PCSK9: variants seen among roughly 807,000 people sequenced by gnomAD.
PCSK9 encodes the protein convertase subtilisin/kexin type 9 preproprotein.
PCSK9 carries 57 observed loss-of-function variants against 62.1 expected under a neutral mutation model. The ratio of observed to expected loss-of-function variants is 0.92; its 90% CI spans 0.74 to 1.14. The LOEUF is 1.14. PCSK9 is among the 50% of genes most tolerant of loss of function. The pLI, the probability that PCSK9 is intolerant of heterozygous loss-of-function variation, is 0.00. For synonymous variants in PCSK9, 387 were observed against 409.4 expected, an observed-to-expected ratio of 0.95 and a Z score of 0.66; for missense variants, 870 against 959.8, an observed-to-expected ratio of 0.91 and a Z score of 1.24.
rs148820549 is a variant in PCSK9, at chr1:55,056,868, T to TGC, written c.997-451_997-450dup. On this transcript the variant is annotated intron_variant, in intron 6 of 11. Coordinates refer to ENST00000302118, the MANE Select transcript of PCSK9 (RefSeq NM_174936.4). ...GGAACTTCAAGTCTGTGTGTGTGCG[T>TGC]GCGCGCGCGCGCGTTGGGGGTGGGG... Among the ~76,000 whole-genome samples the TGC allele has an allele frequency of 3.9e-3, 590 of 152,200 alleles. 2 individuals carry two copies. The highest frequency in any genetic ancestry group is 0.014 in the African/African-American group (566 of 41,546).
chr1:55,051,158 C>A (rs1199925032), intron 3 of PCSK9: 1 of 456,198 alleles, frequency 2.2e-6, no homozygotes, highest in South Asian at 1.5e-5. Context: ...CACACTTGCT[C>A]ACCTGTCCTG....
intron 3 of PCSK9, among the ~76,000 whole-genome samples, chr1:55,047,908 C>A (rs1644645805): frequency 6.6e-6 from 1 of 152,146 alleles, no homozygotes; most frequent in Non-Finnish European, 1.5e-5. Context: ...CTGTACTCCA[C>A]ATCAGTGCCT....
Position 55,058,503 on chromosome 1 carries a change from G to C in PCSK9, c.1359G>C (p.Trp453Cys). The C allele has an allele frequency of 8.1e-6, 13 of 1,612,162 alleles. No homozygotes were observed. The highest frequency in any genetic ancestry group is 1.0e-5 in the Non-Finnish European group (12 of 1,180,008). Reference protein sequence around the residue: ...ALPPSTHGAGWQLFCRTVWSA... With the variant: ...ALPPSTHGAGCQLFCRTVWSA... ...CATCCCAGGCCCTTTTTGCAGGTTG[G>C]CAGCTGTTTTGCAGGACTGTATGGT... Residue 453 changes from tryptophan to cysteine, a missense_variant, in exon 9 of 12, where the codon TGG becomes TGC. Coordinates refer to ENST00000302118, the MANE Select transcript of PCSK9 (RefSeq NM_174936.4).
At chr1:55,054,199 C>T (rs568945353) in intron 5 of PCSK9, among the ~76,000 whole-genome samples, 3 of 152,260 alleles carry the variant, frequency 2.0e-5, no homozygotes, top group African/African-American at 7.2e-5. Context: ...GCCTGTTCAA[C>T]ATGGTGAAAC....
Position 55,058,201 on chromosome 1 carries a change from A to G in PCSK9, c.1346A>G (p.His449Arg). The G allele has an allele frequency of 2.5e-6, 4 of 1,612,336 alleles. No individual in the cohort carries two copies. Among genetic ancestry groups the G allele is most frequent in the Non-Finnish European group, 3.4e-6 (4 of 1,179,446 alleles). Residue 449 changes from histidine (H) to arginine (R), a missense_variant, in exon 8 of 12, where the codon CAT becomes CGT. Transcript: ENST00000302118. ...GTGGCCGCCCTGCCCCCCAGCACCCATGGGGCAGGTAAGCAGGATGGCAGG... is the reference window on the plus strand; with the variant it reads ...GTGGCCGCCCTGCCCCCCAGCACCCGTGGGGCAGGTAAGCAGGATGGCAGG... ...NLVAALPPST[H>R]GAGWQLFCRT...
At chr1:55,046,721 T>C in intron 3 of PCSK9, 75 bp downstream of exon 3, 6 of 1,572,396 alleles carry the variant, frequency 3.8e-6, no homozygotes, top group Non-Finnish European at 5.2e-6. Flanking sequence ...CTGGCCTCCC[T>C]GCTGGTGGTT....
rs72658888 is a variant in PCSK9 at position 55,039,551 on chromosome 1, G to A, written c.-287G>A. On this transcript the variant is annotated 5_prime_UTR_variant, in exon 1 of 12. Transcript: ENST00000302118. ...CCACACCCTAGAAGGTTTCCGCAGC[G>A]ACGTCGAGGCGCTCATGGTTGCAGG... 9.8e-3 allele frequency: 5,348 copies of A among 546,320 alleles called. 65 individuals are homozygous for A. The highest frequency in any genetic ancestry group is 0.022 in the Admixed American group (693 of 31,572). 33.8% of individuals were successfully genotyped at this position (546,320 alleles called of 1,614,324 possible).
chr1:55,060,848 TCA>T (rs1035204820), intron 10 of PCSK9, among the ~76,000 whole-genome samples: 2 of 152,326 alleles, frequency 1.3e-5, no homozygotes, highest in African/African-American at 4.8e-5. Flanking sequence ...CGTGTCATCT[TCA>T]CAGTGTCCCT....
In PCSK9 at chr1:55,058,567, G is replaced by A. The variant is rs773699134; in HGVS notation, c.1423G>A (p.Ala475Thr). Residue 475 changes from alanine (A) to threonine (T), a missense_variant, in exon 9 of 12, where the codon GCC becomes ACC. Physicochemically the swap from Ala to Thr is moderately conservative, Grantham distance 58 (BLOSUM62 0). Transcript: ENST00000302118. ...GCCTACACGGATGGCCACAGCCGTC[G>A]CCCGCTGCGCCCCAGATGAGGAGCT... ...SGPTRMATAV[A>T]RCAPDEELLS... 1.3e-5 allele frequency: 21 copies of A among 1,611,924 alleles called. No homozygotes were observed. Among genetic ancestry groups the A allele is most frequent in the East Asian group, 1.1e-4 (5 of 44,872 alleles).
rs72646516 is a variant in PCSK9, at chr1:55,058,218, G to T, written c.1354+9G>T. On this transcript the variant is annotated intron_variant, in intron 8 of 11. Coordinates refer to ENST00000302118, the MANE Select transcript of PCSK9 (RefSeq NM_174936.4). ...CAGCACCCATGGGGCAGGTAAGCAG[G>T]ATGGCAGGGTGGGCAAGTCCAGGCT... The T allele has an allele frequency of 6.5e-4, 1,045 of 1,610,242 alleles. 3 individuals carry two copies. In the African/African-American group the frequency reaches 0.011, roughly 17 times the overall value.
At chr1:55,052,174 C>A in intron 3 of PCSK9, 104 bp from the exon 4 acceptor site, 1 of 1,485,860 alleles carries the variant, frequency 6.7e-7, no homozygotes, top group Non-Finnish European at 9.3e-7. Flanking sequence ...ATATTTAAGG[C>A]GCTTTCACCA....
chr1:55,059,462 C>A, intron 9 of PCSK9, 24 bp from the exon 10 acceptor site: 1 of 1,554,442 alleles, frequency 6.4e-7, no homozygotes, highest in Non-Finnish European at 8.7e-7. Context: ...AAAGCAGATT[C>A]CCATTTCCGT....
chr1:55,056,205 G>A lies in PCSK9; in HGVS notation c.996+16G>A. ...AGCTCCCGAGGTAGGTGCTGGGGCT[G>A]CTGCCCCAAGGCGCGGGTAGGGGGC... On this transcript the variant is annotated intron_variant, in intron 6 of 11. Coordinates refer to ENST00000302118, the MANE Select transcript of PCSK9 (RefSeq NM_174936.4). 3 of 1,353,896 alleles carry A rather than the reference G, an allele frequency of 2.2e-6. No homozygotes were observed. The highest frequency in any genetic ancestry group is 2.9e-6 in the Non-Finnish European group (3 of 1,041,722). 83.9% of individuals were successfully genotyped at this position (1,353,896 alleles called of 1,614,324 possible).
chr1:55,050,903 T>C (rs1570299845), intron 3 of PCSK9: 2 of 343,842 alleles, frequency 5.8e-6, no homozygotes, highest in East Asian at 8.4e-5. Context: ...ATCTGGATTA[T>C]GCGGTGGGCT....
chr1:55,048,082 T>A (rs1269654088), intron 3 of PCSK9, among the ~76,000 whole-genome samples: 1 of 152,158 alleles, frequency 6.6e-6, no homozygotes, highest in Admixed American at 6.5e-5. Context: ...ACAAGTTGAT[T>A]CTCTGCAGTC....
At chr1:55,054,166 C>T (rs1432840986) in intron 5 of PCSK9, among the ~76,000 whole-genome samples, 1 of 152,036 alleles carries the variant, frequency 6.6e-6, no homozygotes, top group African/African-American at 2.4e-5. Flanking sequence ...GGCAGATCAC[C>T]TGAGGTCAGG....
Position 55,055,250 on chromosome 1 carries a change from T to A in PCSK9, c.800-743T>A, listed in dbSNP as rs552716915. Among the ~76,000 whole-genome samples the A allele has an allele frequency of 9.9e-5, 15 of 152,276 alleles. No homozygotes were observed. The South Asian group carries it at 2.5e-3, about 25-fold the overall frequency. On this transcript the variant is annotated intron_variant, in intron 5 of 11. Coordinates refer to ENST00000302118, the MANE Select transcript of PCSK9 (RefSeq NM_174936.4). ...GCTGGTGAGTGGGCAGCCAAGACTC[T>A]GTTCAAGTTTGTGTGGGTCCAACAC... is the stretch of plus-strand genomic sequence containing the variant.
At position 55,057,390 on chromosome 1, in the gene PCSK9, G is replaced by A. The variant is rs1304477848; in HGVS notation, c.1056G>A (p.Gly352=). Reference sequence around the variant, plus strand: ...AGCCGGTGACCCTGGGGACTTTGGGGACCAACTTTGGCCGCTGTGTGGACC... The same window carrying A: ...AGCCGGTGACCCTGGGGACTTTGGGAACCAACTTTGGCCGCTGTGTGGACC... ...QDQPVTLGTL[G]TNFGRCVDLF... Residue 352 remains glycine (G), a synonymous_variant, in exon 7 of 12, where the codon GGG becomes GGA. Coordinates refer to ENST00000302118, the MANE Select transcript of PCSK9 (RefSeq NM_174936.4). 4 of 1,614,154 alleles carry A rather than the reference G, an allele frequency of 2.5e-6. No homozygotes were observed. The highest frequency in any genetic ancestry group is 3.4e-6 in the Non-Finnish European group (4 of 1,180,030).
Position 55,063,421 on chromosome 1 carries a change from C to G in PCSK9, c.1916C>G (p.Pro639Arg), listed in dbSNP as rs1295327841. 6.2e-7 allele frequency: 1 copy of G among 1,613,830 alleles called. No homozygotes were observed. Among genetic ancestry groups the G allele is most frequent in the African/African-American group, 1.3e-5 (1 of 74,930 alleles). ...GWTLTGCSAL[P>R]GTSHVLGAYA... ...ACCCTGACTGGCTGCAGTGCCCTCCCTGGGACCTCCCACGTCCTGGGGGCC... is the reference window on the plus strand; with the variant it reads ...ACCCTGACTGGCTGCAGTGCCCTCCGTGGGACCTCCCACGTCCTGGGGGCC... Residue 639 changes from proline to arginine, a missense_variant, in exon 12 of 12, where the codon CCT (proline) becomes CGT (arginine). Physicochemically the swap from Pro to Arg is moderately radical, Grantham distance 103. Coordinates refer to ENST00000302118, the MANE Select transcript of PCSK9 (RefSeq NM_174936.4).
Sources: allele counts gnomAD v4.1 joint callset (sites outside exome capture counted in the v4.1 genomes callset), GRCh38; gene constraint gnomAD v4.1.1; transcripts MANE v1.5; gene names NCBI Gene and HGNC (gene_info 2026-07-23, HGNC 2026-07-21).